The following DLGAP1 variants were observed in gnomAD, a reference collection of about 807,000 sequenced individuals.
DLGAP1 encodes disks large-associated protein 1.
DLGAP1 carries 11 observed loss-of-function variants against 90.8 expected under a neutral mutation model. That is an observed-to-expected ratio of 0.12 (90% confidence interval 0.08 to 0.20). The LOEUF (loss-of-function observed/expected upper bound fraction) is 0.20. Among genes scored for constraint, DLGAP1 ranks in the 10% least tolerant of loss-of-function variants. DLGAP1 has a pLI of 1.00. For synonymous variants in DLGAP1, 558 were observed against 540.7 expected, an observed-to-expected ratio of 1.03 and a Z score of -0.44; for missense variants, 1,050 against 1,333.8, an observed-to-expected ratio of 0.79 and a Z score of 3.31.
At chr18:4,091,279 C>T (rs1002488515) in intron 2 of DLGAP1, among the ~76,000 whole-genome samples, 5 of 152,170 alleles carry the variant, frequency 3.3e-5, no homozygotes, top group African/African-American at 9.7e-5. Flanking sequence ...AAATTCTCAT[C>T]TTTATTCTTC....
chr18:4,064,642 AG>A (rs1011772123), intron 2 of DLGAP1, among the ~76,000 whole-genome samples: 12 of 152,102 alleles, frequency 7.9e-5, no homozygotes, highest in African/African-American at 2.7e-4. Flanking sequence ...AGACTGAACC[AG>A]GAAGAAACCG....
intron 5 of DLGAP1, among the ~76,000 whole-genome samples, chr18:3,792,447 T>C (rs757311778): frequency 6.6e-6 from 1 of 151,442 alleles, no homozygotes; most frequent in Non-Finnish European, 1.5e-5. Context: ...ATCATACCAC[T>C]GCACTCCAGC....
chr18:4,111,051 T>C (rs1034583369), intron 2 of DLGAP1, among the ~76,000 whole-genome samples: 1 of 152,186 alleles, frequency 6.6e-6, no homozygotes, highest in African/African-American at 2.4e-5. Context: ...GCCGTGGTTT[T>C]TTTCTAGGTG....
At chr18:4,254,053 T>A (rs556906982) in intron 1 of DLGAP1, among the ~76,000 whole-genome samples, 6 of 152,244 alleles carry the variant, frequency 3.9e-5, no homozygotes, top group Middle Eastern at 3.4e-3. Context: ...CACAATAACT[T>A]TGAAGATCAG....
At chr18:4,234,456 TTC>T (rs1277128026) in intron 1 of DLGAP1, among the ~76,000 whole-genome samples, 1 of 152,176 alleles carries the variant, frequency 6.6e-6, no homozygotes, top group Non-Finnish European at 1.5e-5. Context: ...TTTCAATATG[TTC>T]TTAGTTATGC....
intron 2 of DLGAP1, among the ~76,000 whole-genome samples, chr18:4,029,927 T>C (rs980746030): frequency 2.0e-5 from 3 of 152,218 alleles, no homozygotes; most frequent in African/African-American, 7.2e-5. Flanking sequence ...CTCTACAGCA[T>C]TGATCACCTT....
At chr18:4,125,150 A>T (rs1460081621) in intron 2 of DLGAP1, among the ~76,000 whole-genome samples, 1 of 152,232 alleles carries the variant, frequency 6.6e-6, no homozygotes, top group Non-Finnish European at 1.5e-5. Context: ...AGTACCAGGC[A>T]TTATGCCAGG....
intron 7 of DLGAP1, among the ~76,000 whole-genome samples, chr18:3,654,429 T>C (rs1166287589): frequency 6.6e-6 from 1 of 152,224 alleles, no homozygotes; most frequent in African/African-American, 2.4e-5. Flanking sequence ...CTCTTGACTT[T>C]CTGACTTTTA....
At chr18:4,405,888 T>G (rs1024396622) in intron 1 of DLGAP1, among the ~76,000 whole-genome samples, 2 of 152,092 alleles carry the variant, frequency 1.3e-5, no homozygotes, top group African/African-American at 4.8e-5. Flanking sequence ...GGACAAAAAG[T>G]ACAAACAAAG....
intron 2 of DLGAP1, among the ~76,000 whole-genome samples, chr18:4,087,428 T>C (rs2143699310): frequency 6.6e-6 from 1 of 152,362 alleles, no homozygotes; most frequent in East Asian, 1.9e-4. Context: ...GAGCGATCTG[T>C]GCCTTAAGGA....
intron 1 of DLGAP1, among the ~76,000 whole-genome samples, chr18:4,340,993 C>T (rs181295522): frequency 1.1e-4 from 17 of 152,030 alleles, no homozygotes; most frequent in African/African-American, 4.1e-4. Context: ...TAGAAAGAAA[C>T]TTAAATAAGA....
chr18:4,118,977 A>G (rs917713862), intron 2 of DLGAP1, among the ~76,000 whole-genome samples: 3 of 152,204 alleles, frequency 2.0e-5, no homozygotes, highest in African/African-American at 7.2e-5. Context: ...GTTATAAATA[A>G]TTCAAATAAC....
At chr18:3,897,880 C>T (rs1015721347) in intron 3 of DLGAP1, among the ~76,000 whole-genome samples, 4 of 150,030 alleles carry the variant, frequency 2.7e-5, no homozygotes, top group East Asian at 2.0e-4. Context: ...CTGCAAGCTC[C>T]GCTTCCCGGG....
At chr18:3,783,364 G>A (rs1286533432) in intron 5 of DLGAP1, among the ~76,000 whole-genome samples, 2 of 152,160 alleles carry the variant, frequency 1.3e-5, no homozygotes, top group Non-Finnish European at 1.5e-5. Context: ...GTTCATAGGA[G>A]CATTACTCAT....
Position 3,831,073 on chromosome 18 carries a change from C to T in DLGAP1, c.958-16800G>A, listed in dbSNP as rs573985812. Among the ~76,000 whole-genome samples the T allele has an allele frequency of 7.2e-5, 11 of 152,290 alleles. No homozygotes were observed. In the South Asian group the frequency reaches 1.2e-3, roughly 17 times the overall value. ...TCATGGAGGAACACATCTCCGTGCA[C>T]GAAGTTGCTGGTGCATGTGTGTAGA... On this transcript the variant is annotated intron_variant, in intron 4 of 12. Coordinates refer to ENST00000315677, the MANE Select transcript of DLGAP1 (RefSeq NM_004746.4).
intron 1 of DLGAP1, among the ~76,000 whole-genome samples, chr18:4,298,080 CT>C (rs1350832356): frequency 6.6e-6 from 1 of 152,082 alleles, no homozygotes; most frequent in African/African-American, 2.4e-5. Context: ...AACCTGTTAG[CT>C]TGCAAGTAGA....
intron 3 of DLGAP1, among the ~76,000 whole-genome samples, chr18:3,881,908 G>A (rs527699760): frequency 5.0e-4 from 76 of 150,906 alleles, no homozygotes; most frequent in Non-Finnish European, 9.4e-4. Flanking sequence ...GCAAGACTCC[G>A]TCTGTCTCAG....
At chr18:4,174,932 G>A (rs996668419) in intron 1 of DLGAP1, among the ~76,000 whole-genome samples, 4 of 152,136 alleles carry the variant, frequency 2.6e-5, no homozygotes, top group African/African-American at 9.7e-5. Context: ...CCCTGTGAAG[G>A]ACATGATCTC....
Position 4,040,807 on chromosome 18 carries a change from G to A in DLGAP1, c.-158-35606C>T, listed in dbSNP as rs933660688. On this transcript the variant is annotated intron_variant, in intron 2 of 12. Coordinates refer to ENST00000315677, the MANE Select transcript of DLGAP1 (RefSeq NM_004746.4). ...AGCAGGCTTGGGGTTTCAGCATTGTGTTCTTTTTAGGCAAGTTTCAACAAG... is the reference window on the plus strand; with the variant it reads ...AGCAGGCTTGGGGTTTCAGCATTGTATTCTTTTTAGGCAAGTTTCAACAAG... Among the ~76,000 whole-genome samples the A allele has an allele frequency of 7.2e-5, 11 of 152,286 alleles. 1 individual carries two copies. Among genetic ancestry groups the A allele is most frequent in the Admixed American group, 1.3e-4 (2 of 15,304 alleles).
Sources: allele counts gnomAD v4.1 joint callset (sites outside exome capture counted in the v4.1 genomes callset), GRCh38; gene constraint gnomAD v4.1.1; transcripts MANE v1.5; gene names NCBI Gene and HGNC (gene_info 2026-07-23, HGNC 2026-07-21).